Variants in MALRD1 observed in about 807,000 individuals in gnomAD.
MALRD1 encodes the protein MAM and LDL receptor class A domain containing 1, also known as MAM and LDL-receptor class A domain-containing protein 1.
MALRD1 carries 247 observed loss-of-function variants against 242.1 expected under a neutral mutation model. The observed-to-expected ratio is 1.02, with a 90% confidence interval of 0.92 to 1.13. The LOEUF is 1.13. Among genes scored for constraint, MALRD1 ranks in the 50% most tolerant of loss-of-function variants. The pLI is 0.00. For missense variants in MALRD1, 2,989 were observed against 2,533.1 expected (o/e 1.18, Z -3.86); for synonymous variants, 995 against 866.6 (o/e 1.15, Z -2.60).
At chr10:19,272,734 C>T (rs906974168) in intron 19 of MALRD1, among the ~76,000 whole-genome samples, 2 of 152,084 alleles carry the variant, frequency 1.3e-5, no homozygotes, top group African/African-American at 4.8e-5. Context: ...TCCTTGTGTC[C>T]ATGTGTTCTT....
chr10:19,198,899 T>C (rs752829788), intron 14 of MALRD1, among the ~76,000 whole-genome samples: 8 of 152,222 alleles, frequency 5.3e-5, no homozygotes, highest in Non-Finnish European at 1.2e-4. Context: ...CTATTAACTA[T>C]TGATGAAGTC....
chr10:19,238,301 T>C (rs1159512405), intron 18 of MALRD1, among the ~76,000 whole-genome samples: 1 of 79,358 alleles, frequency 1.3e-5, no homozygotes, highest in African/African-American at 5.2e-5. Flanking sequence ...ATATATTATA[T>C]ATAATATGTA....
At chr10:19,448,388 G>A (rs1835121612) in intron 28 of MALRD1, among the ~76,000 whole-genome samples, 1 of 151,956 alleles carries the variant, frequency 6.6e-6, no homozygotes, top group African/African-American at 2.4e-5. Flanking sequence ...CCAGGACCAA[G>A]GAATATTAAC....
At chr10:19,605,771 T>G (rs1838588814) in intron 34 of MALRD1, among the ~76,000 whole-genome samples, 2 of 152,134 alleles carry the variant, frequency 1.3e-5, no homozygotes, top group Admixed American at 6.6e-5. Context: ...AAGTTTGACC[T>G]TATGGAATTT....
At chr10:19,150,605 G>T (rs901574428) in intron 11 of MALRD1, among the ~76,000 whole-genome samples, 2 of 152,156 alleles carry the variant, frequency 1.3e-5, no homozygotes, top group Admixed American at 1.3e-4. Context: ...TAAGCTGTGG[G>T]AATTACAGGA....
intron 11 of MALRD1, among the ~76,000 whole-genome samples, chr10:19,147,462 TGGC>T: frequency 6.6e-6 from 1 of 152,334 alleles, no homozygotes; most frequent in Non-Finnish European, 1.5e-5. Flanking sequence ...TAACATTTTG[TGGC>T]AGACAAAGTT....
chr10:19,239,768 G>C (rs561610370), intron 18 of MALRD1, among the ~76,000 whole-genome samples: 271 of 151,392 alleles, frequency 1.8e-3, no homozygotes, highest in South Asian at 7.9e-3. Flanking sequence ...CTTTACCCCT[G>C]TGTGTGCTCT....
At chr10:19,370,557 G>C (rs547942323) in intron 26 of MALRD1, among the ~76,000 whole-genome samples, 1 of 152,102 alleles carries the variant, frequency 6.6e-6, no homozygotes, top group East Asian at 1.9e-4. Flanking sequence ...TTACAGCTTT[G>C]CTAAATTCAC....
intron 30 of MALRD1, among the ~76,000 whole-genome samples, chr10:19,495,859 C>G (rs114858417): frequency 1.3e-5 from 2 of 152,016 alleles, no homozygotes; most frequent in Admixed American, 1.3e-4. Flanking sequence ...CCCGTAGGCT[C>G]AAAATAAAGG....
chr10:19,238,943 T>C (rs1838629908), intron 18 of MALRD1, among the ~76,000 whole-genome samples: 1 of 152,134 alleles, frequency 6.6e-6, no homozygotes, highest in Middle Eastern at 3.4e-3. Context: ...TATCTTATTG[T>C]GGTTTTGATT....
intron 14 of MALRD1, among the ~76,000 whole-genome samples, chr10:19,178,959 T>C (rs752986405): frequency 4.6e-5 from 7 of 152,210 alleles, no homozygotes; most frequent in Non-Finnish European, 8.8e-5. Context: ...CTCTGCATGA[T>C]GGAAATGACT....
chr10:19,123,324 TGAGAGAGA>T (rs1554793086), intron 5 of MALRD1, among the ~76,000 whole-genome samples, 160 bp from the exon 6 acceptor site: 3 of 150,854 alleles, frequency 2.0e-5, no homozygotes, highest in Non-Finnish European at 4.4e-5. Context: ...TGTGTGTGTG[TGAGAGAGA>T]GAGAGAGAAA....
chr10:19,615,348 A>G (rs1427118750), intron 35 of MALRD1, among the ~76,000 whole-genome samples: 1 of 151,588 alleles, frequency 6.6e-6, no homozygotes, highest in African/African-American at 2.4e-5. Context: ...GCAAGATCCC[A>G]TCTTTACAAT....
intron 18 of MALRD1, among the ~76,000 whole-genome samples, chr10:19,217,971 T>C (rs1057318641): frequency 1.3e-5 from 2 of 152,152 alleles, no homozygotes; most frequent in Admixed American, 1.3e-4. Context: ...TTTGACTGAA[T>C]GATTGTACTC....
chr10:19,698,216 C>A (rs1019470082), intron 38 of MALRD1, among the ~76,000 whole-genome samples: 1 of 152,158 alleles, frequency 6.6e-6, no homozygotes, highest in Non-Finnish European at 1.5e-5. Context: ...GTACCATGAT[C>A]ATTTGAGGTG....
intron 34 of MALRD1, among the ~76,000 whole-genome samples, chr10:19,606,561 C>T (rs1336678178): frequency 6.6e-6 from 1 of 152,054 alleles, no homozygotes; most frequent in Admixed American, 6.6e-5. Context: ...TGAAATCTAT[C>T]CAGACTTTCT....
intron 18 of MALRD1, among the ~76,000 whole-genome samples, chr10:19,212,733 TCC>T (rs1408148733): frequency 2.0e-5 from 3 of 152,156 alleles, no homozygotes; most frequent in Non-Finnish European, 4.4e-5. Flanking sequence ...TTTCAGCTTC[TCC>T]ACATCCAAGC....
At position 19,355,150 on chromosome 10, in the gene MALRD1, G is replaced by C. The variant is rs1844564725; in HGVS notation, c.4441+2853G>C. 1.3e-5 allele frequency among the ~76,000 whole-genome samples: 2 copies of C among 152,036 alleles called. 1 individual carries two copies. The highest frequency in any genetic ancestry group is 4.1e-4 in the South Asian group (2 of 4,824). On this transcript the variant is annotated intron_variant, in intron 26 of 39. Transcript: ENST00000454679. ...GAGAGTGCTGTAGGCAGGCTGAATG[G>C]CATAAGAAAGAACAGGGATGGTTCA...
At chr10:19,101,359 T>TTA (rs1157946764) in intron 4 of MALRD1, among the ~76,000 whole-genome samples, 23 of 144,466 alleles carry the variant, frequency 1.6e-4, no homozygotes, top group African/African-American at 5.5e-4. Context: ...ATATATGTAA[T>TTA]TATATATTAT....
Sources: allele counts gnomAD v4.1 joint callset (sites outside exome capture counted in the v4.1 genomes callset), GRCh38; gene constraint gnomAD v4.1.1; transcripts MANE v1.5; gene names NCBI Gene and HGNC (gene_info 2026-07-23, HGNC 2026-07-21).